GPC5: variants seen among roughly 807,000 people sequenced by gnomAD.
GPC5 encodes glypican-5.
A neutral mutation model predicts 53.9 loss-of-function variants in GPC5; 47 were observed. The ratio of observed to expected loss-of-function variants is 0.87; its 90% CI spans 0.69 to 1.11. The LOEUF (loss-of-function observed/expected upper bound fraction) is 1.11. Ranked by LOEUF, GPC5 falls within the 50% of genes most tolerant of loss-of-function variation. The pLI, the probability that GPC5 is intolerant of heterozygous loss-of-function variation, is 0.00. For missense variants in GPC5, 748 were observed against 713.1 expected (o/e 1.05, Z -0.56); for synonymous variants, 286 against 263.3 (o/e 1.09, Z -0.84).
intron 7 of GPC5, among the ~76,000 whole-genome samples, chr13:92,646,971 T>A (rs112342192): frequency 4.0e-5 from 6 of 151,174 alleles, no homozygotes; most frequent in African/African-American, 1.2e-4. Context: ...TGTGTGTATA[T>A]AAACCTGGCA....
intron 7 of GPC5, among the ~76,000 whole-genome samples, chr13:92,502,333 GA>G (rs371099535): frequency 2.0e-5 from 3 of 150,194 alleles, no homozygotes; most frequent in Admixed American, 6.6e-5. Flanking sequence ...GGAATAATTG[GA>G]AAAAAAATAA....
rs534936760 is a variant in GPC5, at chr13:92,443,691, G to A, written c.1561+298702G>A. ...AAGGTAGTAATGATAATATATTGCT[G>A]ACTGACTGCATGCATAGCAGCGGTA... On this transcript the variant is annotated intron_variant, in intron 7 of 7. Coordinates refer to ENST00000377067, the MANE Select transcript of GPC5 (RefSeq NM_004466.6). Among the ~76,000 whole-genome samples the A allele has an allele frequency of 5.3e-5, 8 of 152,286 alleles. No homozygotes were observed. In the South Asian group the frequency reaches 1.2e-3, roughly 24 times the overall value.
At chr13:92,855,807 A>G (rs1165512747) in intron 7 of GPC5, among the ~76,000 whole-genome samples, 2 of 152,078 alleles carry the variant, frequency 1.3e-5, no homozygotes, top group African/African-American at 4.8e-5. Flanking sequence ...TCAGGAAGAA[A>G]GTGAAATCCT....
chr13:92,148,054 G>A (rs1454020485), intron 7 of GPC5, among the ~76,000 whole-genome samples: 2 of 151,948 alleles, frequency 1.3e-5, no homozygotes, highest in Middle Eastern at 3.4e-3. Flanking sequence ...TCTTCATTAC[G>A]CTTTCATTTA....
chr13:92,211,055 C>T (rs1020932609), intron 7 of GPC5, among the ~76,000 whole-genome samples: 1 of 152,048 alleles, frequency 6.6e-6, no homozygotes, highest in Admixed American at 6.6e-5. Flanking sequence ...ATTGGATTTT[C>T]CAGAGTCGTG....
chr13:92,740,732 G>A (rs187129506), intron 7 of GPC5, among the ~76,000 whole-genome samples: 221 of 151,756 alleles, frequency 1.5e-3, no homozygotes, highest in Admixed American at 2.8e-3. Flanking sequence ...CACATAATAA[G>A]CAAAGAACCA....
intron 2 of GPC5, among the ~76,000 whole-genome samples, chr13:91,509,420 T>TTTTTTTTTTTTTTTTTTTTTTTTTTTG (rs1555316907): frequency 6.8e-6 from 1 of 146,040 alleles, no homozygotes; most frequent in African/African-American, 2.4e-5. Flanking sequence ...ATTCATATTT[T>TTTTTTTTTTTTTTTTTTTTTTTTTTTG]AAGGATCAAA....
intron 7 of GPC5, among the ~76,000 whole-genome samples, chr13:92,584,915 A>G (rs1473620655): frequency 6.6e-6 from 1 of 152,046 alleles, no homozygotes; most frequent in Non-Finnish European, 1.5e-5. Context: ...TCGAGCCTGC[A>G]GGTGCACAGA....
chr13:91,695,159 C>A (rs1317757458), intron 3 of GPC5, among the ~76,000 whole-genome samples: 1 of 152,062 alleles, frequency 6.6e-6, no homozygotes, highest in African/African-American at 2.4e-5. Context: ...AGCTGGGTAT[C>A]CCTATACAAT....
Position 92,103,034 on chromosome 13 carries a change from T to C in GPC5, c.1402-41796T>C, listed in dbSNP as rs145991115. 1.2e-3 allele frequency among the ~76,000 whole-genome samples: 183 copies of C among 152,276 alleles called. 2 individuals carry two copies. The highest frequency in any genetic ancestry group is 4.2e-3 in the African/African-American group (173 of 41,568). ...ACCACACCTGGCTGTTTTTTCTTTCTTCAGTTTTTGTAGAGACAGGGTGTC... is the reference window on the plus strand; with the variant it reads ...ACCACACCTGGCTGTTTTTTCTTTCCTCAGTTTTTGTAGAGACAGGGTGTC... On this transcript the variant is annotated intron_variant, in intron 6 of 7. Coordinates refer to ENST00000377067, the MANE Select transcript of GPC5 (RefSeq NM_004466.6).
At chr13:92,275,891 A>G (rs915440342) in intron 7 of GPC5, among the ~76,000 whole-genome samples, 4 of 152,152 alleles carry the variant, frequency 2.6e-5, no homozygotes, top group Non-Finnish European at 5.9e-5. Flanking sequence ...TGACATTTGC[A>G]ATTCTTTGTT....
chr13:92,084,905 A>G (rs1330021874), intron 6 of GPC5, among the ~76,000 whole-genome samples: 1 of 152,332 alleles, frequency 6.6e-6, no homozygotes, highest in East Asian at 1.9e-4. Flanking sequence ...AAACAGAAAT[A>G]TATTCCTCAC....
chr13:92,246,763 AT>A (rs1431860376), intron 7 of GPC5, among the ~76,000 whole-genome samples: 1 of 152,100 alleles, frequency 6.6e-6, no homozygotes, highest in Non-Finnish European at 1.5e-5. Flanking sequence ...AATATATCAA[AT>A]GTTCTGTTAG....
chr13:91,579,660 G>A (rs1193255699), intron 2 of GPC5, among the ~76,000 whole-genome samples: 2 of 116,622 alleles, frequency 1.7e-5, no homozygotes, highest in East Asian at 2.6e-4. Context: ...ATGGAGTTTC[G>A]CTCTGTCACC....
At chr13:91,900,290 T>G (rs2039484990) in intron 5 of GPC5, among the ~76,000 whole-genome samples, 1 of 152,168 alleles carries the variant, frequency 6.6e-6, no homozygotes, top group South Asian at 2.1e-4. Flanking sequence ...AATTTATTAG[T>G]ACTCAGATAA....
chr13:91,842,910 T>C (rs1410333514), intron 5 of GPC5, among the ~76,000 whole-genome samples: 1 of 152,138 alleles, frequency 6.6e-6, no homozygotes, highest in African/African-American at 2.4e-5. Context: ...ATCCTTTTAA[T>C]ACCCTAAAAT....
At chr13:91,786,346 C>G (rs966855491) in intron 5 of GPC5, among the ~76,000 whole-genome samples, 3 of 152,196 alleles carry the variant, frequency 2.0e-5, no homozygotes, top group Non-Finnish European at 4.4e-5. Context: ...GATGGCCTAA[C>G]AAGTCCTGCA....
At chr13:92,240,015 T>C (rs926491081) in intron 7 of GPC5, 1 of 152,042 alleles carries the variant, frequency 6.6e-6, no homozygotes, top group African/African-American at 2.4e-5. Context: ...AAAAACTGTA[T>C]AAATTCCTTC....
intron 6 of GPC5, among the ~76,000 whole-genome samples, chr13:92,017,371 C>T (rs374338619): frequency 5.3e-5 from 8 of 152,050 alleles, no homozygotes; most frequent in East Asian, 1.9e-4. Flanking sequence ...TTGGTCATCC[C>T]GGTTTTCTGG....
Sources: gnomAD v4.1 joint callset for allele counts (sites outside exome capture counted in the v4.1 genomes callset) on GRCh38, gnomAD v4.1.1 for gene constraint, MANE v1.5 for transcripts, NCBI Gene and HGNC (gene_info 2026-07-23, HGNC 2026-07-21) for gene names.